Variants in PDE4D observed in about 807,000 individuals in gnomAD.
PDE4D encodes 3',5'-cyclic-AMP phosphodiesterase 4D.
Under a neutral mutation model 87.4 loss-of-function variants are expected in PDE4D, and 24 were observed. The ratio of observed to expected loss-of-function variants is 0.27; its 90% CI spans 0.20 to 0.39. The LOEUF (loss-of-function observed/expected upper bound fraction) is 0.39, where lower values mean the gene tolerates loss of function less well. PDE4D is among the 10% of genes least tolerant of loss of function. PDE4D has a pLI of 1.00. For synonymous variants in PDE4D, 384 were observed against 383.2 expected, an observed-to-expected ratio of 1.00 and a Z score of -0.02; for missense variants, 714 against 1,041.0, an observed-to-expected ratio of 0.69 and a Z score of 4.32.
At chr5:60,361,062 A>G (rs908735684) in intron 1 of PDE4D, among the ~76,000 whole-genome samples, 1 of 152,246 alleles carries the variant, frequency 6.6e-6, no homozygotes, top group Non-Finnish European at 1.5e-5. Flanking sequence ...GTAAGCCTCA[A>G]TAAGAACCTT....
chr5:59,576,004 C>G (rs550902925), intron 1 of PDE4D, among the ~76,000 whole-genome samples: 1 of 152,238 alleles, frequency 6.6e-6, no homozygotes, highest in Non-Finnish European at 1.5e-5. Flanking sequence ...GTTTAGACCT[C>G]CAAGCAACCT....
intron 1 of PDE4D, among the ~76,000 whole-genome samples, chr5:59,701,954 T>C (rs1293646040): frequency 1.3e-5 from 2 of 152,008 alleles, no homozygotes; most frequent in African/African-American, 2.4e-5. Flanking sequence ...GGCACTAACA[T>C]AGAGGTCATG....
At chr5:59,085,072 A>C (rs531975900) in intron 5 of PDE4D, among the ~76,000 whole-genome samples, 95 of 152,310 alleles carry the variant, frequency 6.2e-4, no homozygotes, top group South Asian at 1.2e-3. Context: ...AATATATAGT[A>C]AGAAAACAAC....
chr5:59,031,415 T>TATAA (rs1757472591), intron 6 of PDE4D, among the ~76,000 whole-genome samples: 2 of 93,536 alleles, frequency 2.1e-5, no homozygotes, highest in Admixed American at 1.1e-4. Flanking sequence ...TATATATATA[T>TATAA]AGATTATACA....
intron 1 of PDE4D, among the ~76,000 whole-genome samples, chr5:59,847,524 T>C (rs563481572): frequency 1.7e-4 from 26 of 152,220 alleles, no homozygotes; most frequent in African/African-American, 5.8e-4. Context: ...CAGGAACCTT[T>C]CTTTTTTACC....
intron 1 of PDE4D, among the ~76,000 whole-genome samples, chr5:59,423,050 T>C (rs1490245866): frequency 6.6e-6 from 1 of 152,214 alleles, no homozygotes; most frequent in Non-Finnish European, 1.5e-5. Flanking sequence ...TAAAGAATTA[T>C]TGGGTTAATT....
chr5:59,647,794 AAG>A (rs1253222479), intron 1 of PDE4D, among the ~76,000 whole-genome samples: 1 of 151,786 alleles, frequency 6.6e-6, no homozygotes, highest in Non-Finnish European at 1.5e-5. Context: ...TTAACTTAGA[AAG>A]TAATTTTGTC....
At chr5:59,080,167 T>C (rs7719347) in intron 5 of PDE4D, among the ~76,000 whole-genome samples, 7,138 of 152,252 alleles carry the variant, frequency 0.047, 569 homozygotes, top group African/African-American at 0.16. Context: ...TTTACTCTGG[T>C]CTATTTCCTG....
intron 3 of PDE4D, among the ~76,000 whole-genome samples, chr5:59,908,319 T>G (rs1753058940): frequency 1.3e-5 from 2 of 152,170 alleles, no homozygotes; most frequent in African/African-American, 4.8e-5. Context: ...CTCAAACTTT[T>G]TTTTAAAAAA....
At chr5:60,273,908 G>A (rs1751078772) in intron 1 of PDE4D, among the ~76,000 whole-genome samples, 1 of 152,142 alleles carries the variant, frequency 6.6e-6, no homozygotes, top group Non-Finnish European at 1.5e-5. Flanking sequence ...TGGCCACGGA[G>A]TGATCAATAC....
At chr5:59,425,280 AG>A (rs1312214380) in intron 1 of PDE4D, among the ~76,000 whole-genome samples, 2 of 152,326 alleles carry the variant, frequency 1.3e-5, no homozygotes, top group African/African-American at 4.8e-5. Context: ...ATATAAATAA[AG>A]GTCTTAAAAA....
chr5:59,297,287 C>A (rs187489776), intron 1 of PDE4D, among the ~76,000 whole-genome samples: 1 of 152,140 alleles, frequency 6.6e-6, no homozygotes, highest in Non-Finnish European at 1.5e-5. Context: ...TCCTTCCATG[C>A]AATACTAAAT....
intron 5 of PDE4D, among the ~76,000 whole-genome samples, chr5:59,134,590 G>GCTAT (rs1452300092): frequency 1.3e-5 from 2 of 152,132 alleles, no homozygotes; most frequent in East Asian, 3.9e-4. Context: ...TATAGAGAAA[G>GCTAT]CTATATATTG....
chr5:60,323,964 C>T (rs1195065846), intron 1 of PDE4D, among the ~76,000 whole-genome samples: 3 of 152,102 alleles, frequency 2.0e-5, no homozygotes, highest in African/African-American at 4.8e-5. Flanking sequence ...TCATTAATTT[C>T]CTCTGGTAGC....
chr5:59,499,271 G>T (rs371059666), intron 1 of PDE4D, among the ~76,000 whole-genome samples: 1 of 150,522 alleles, frequency 6.6e-6, no homozygotes, highest in Non-Finnish European at 1.5e-5. Flanking sequence ...CAATGGCAGC[G>T]TTAAGAGGAA....
chr5:59,285,729 C>A (rs904189573), intron 1 of PDE4D, among the ~76,000 whole-genome samples: 3 of 152,076 alleles, frequency 2.0e-5, no homozygotes, highest in East Asian at 1.9e-4. Context: ...CTAATAGGAA[C>A]CTTTTGGAAG....
At chr5:60,150,205 T>C (rs1781386590) in intron 2 of PDE4D, among the ~76,000 whole-genome samples, 1 of 151,810 alleles carries the variant, frequency 6.6e-6, no homozygotes, top group South Asian at 2.1e-4. Context: ...AATACAACCA[T>C]GAATCTTACA....
chr5:60,231,348 G>A (rs1051545727), intron 1 of PDE4D, among the ~76,000 whole-genome samples: 1 of 151,916 alleles, frequency 6.6e-6, no homozygotes, highest in African/African-American at 2.4e-5. Flanking sequence ...GTTCTATTGA[G>A]GTTGCTGAAA....
chr5:60,473,120 A>G (rs1428894828), intron 1 of PDE4D, among the ~76,000 whole-genome samples: 8 of 56,998 alleles, frequency 1.4e-4, no homozygotes, highest in African/African-American at 6.3e-4. Context: ...AGAGAGAGAG[A>G]AAGAAAGGAA....
Sources: gnomAD v4.1 joint callset for allele counts (sites outside exome capture counted in the v4.1 genomes callset) on GRCh38, gnomAD v4.1.1 for gene constraint, MANE v1.5 for transcripts, NCBI Gene and HGNC (gene_info 2026-07-23, HGNC 2026-07-21) for gene names.